The following AKT3 variants were observed in gnomAD, a reference collection of about 807,000 sequenced individuals.
AKT3 encodes the protein AKT serine/threonine kinase 3.
Under a neutral mutation model 65.3 loss-of-function variants are expected in AKT3, and 15 were observed. The ratio of observed to expected loss-of-function variants is 0.23; its 90% CI spans 0.15 to 0.35. The LOEUF (loss-of-function observed/expected upper bound fraction) is 0.35, where lower values mean the gene tolerates loss of function less well. Ranked by LOEUF, AKT3 falls within the 10% of genes least tolerant of loss-of-function variation. The pLI is 1.00. For missense variants in AKT3, 243 were observed against 576.5 expected, an observed-to-expected ratio of 0.42 and a Z score of 5.92; for synonymous variants, 206 against 183.8, an observed-to-expected ratio of 1.12 and a Z score of -0.98.
chr1:243,630,085 T>C (rs1329530899), intron 6 of AKT3, among the ~76,000 whole-genome samples: 4 of 152,196 alleles, frequency 2.6e-5, no homozygotes, highest in African/African-American at 4.8e-5. Flanking sequence ...GATTGGGCTT[T>C]GCATACCCAA....
intron 2 of AKT3, among the ~76,000 whole-genome samples, chr1:243,779,820 A>G (rs1690793262): frequency 6.6e-6 from 1 of 152,136 alleles, no homozygotes; most frequent in African/African-American, 2.4e-5. Flanking sequence ...AAGTCCTCAA[A>G]AATTGATGGA....
chr1:243,633,520 G>A (rs1679758692), intron 6 of AKT3, among the ~76,000 whole-genome samples: 1 of 152,098 alleles, frequency 6.6e-6, no homozygotes, highest in Admixed American at 6.6e-5. Context: ...GGACAGAATT[G>A]TAAAGAAGTG....
At chr1:243,687,224 A>G (rs1285009014) in intron 3 of AKT3, among the ~76,000 whole-genome samples, 1 of 152,118 alleles carries the variant, frequency 6.6e-6, no homozygotes, top group East Asian at 1.9e-4. Context: ...CTACAAGTTT[A>G]CCATTCCCTT....
chr1:243,491,243 G>A (rs1201114932), intron 13 of AKT3, among the ~76,000 whole-genome samples: 4 of 152,124 alleles, frequency 2.6e-5, no homozygotes, highest in Admixed American at 6.5e-5. Context: ...ATTGCCAAAT[G>A]AGTTGCAAAA....
intron 2 of AKT3, among the ~76,000 whole-genome samples, chr1:243,795,503 G>A (rs1691934825): frequency 1.8e-5 from 2 of 109,658 alleles, no homozygotes; most frequent in Admixed American, 1.4e-4. Flanking sequence ...ACGGAGTCTC[G>A]CTCTGTCGCC....
At chr1:243,560,617 T>A (rs993394687) in intron 10 of AKT3, among the ~76,000 whole-genome samples, 1 of 152,136 alleles carries the variant, frequency 6.6e-6, no homozygotes, top group African/African-American at 2.4e-5. Flanking sequence ...GTATACAAAC[T>A]GTTTTTAAAG....
intron 6 of AKT3, among the ~76,000 whole-genome samples, chr1:243,626,319 G>C (rs1449515498): frequency 6.6e-6 from 1 of 152,140 alleles, no homozygotes; most frequent in East Asian, 1.9e-4. Context: ...CTAAGAGATG[G>C]GATGAATAAA....
intron 7 of AKT3, among the ~76,000 whole-genome samples, chr1:243,614,255 C>T (rs1205745631): frequency 3.9e-5 from 6 of 152,100 alleles, no homozygotes; most frequent in African/African-American, 1.4e-4. Context: ...TACCCAAATG[C>T]TATCTTATTA....
At chr1:243,723,794 G>A (rs1038467061) in intron 2 of AKT3, among the ~76,000 whole-genome samples, 2 of 152,128 alleles carry the variant, frequency 1.3e-5, no homozygotes, top group Admixed American at 6.6e-5. Context: ...AGTGGAACCT[G>A]CCAGCAGTTC....
chr1:243,845,936 G>C (rs1695501913), intron 1 of AKT3, among the ~76,000 whole-genome samples: 1 of 152,036 alleles, frequency 6.6e-6, no homozygotes, highest in Non-Finnish European at 1.5e-5. Context: ...AATTATCTGT[G>C]CCTCAGTTTC....
intron 2 of AKT3, among the ~76,000 whole-genome samples, chr1:243,811,645 T>G (rs1693165562): frequency 1.3e-5 from 2 of 152,196 alleles, no homozygotes; most frequent in Admixed American, 1.3e-4. Context: ...TACCAATGAC[T>G]TTCTTTACAG....
chr1:243,533,520 G>A (rs192491085), intron 12 of AKT3, among the ~76,000 whole-genome samples: 1 of 152,260 alleles, frequency 6.6e-6, no homozygotes, highest in African/African-American at 2.4e-5. Flanking sequence ...AGTTATAAGT[G>A]TATACTTCAA....
At chr1:243,777,818 A>C (rs1164422295) in intron 2 of AKT3, among the ~76,000 whole-genome samples, 1 of 152,224 alleles carries the variant, frequency 6.6e-6, no homozygotes, top group Non-Finnish European at 1.5e-5. Flanking sequence ...GTTCAAAAGC[A>C]TTAAAGAATC....
intron 2 of AKT3, among the ~76,000 whole-genome samples, chr1:243,710,999 T>C (rs1686113326): frequency 6.6e-6 from 1 of 152,166 alleles, no homozygotes; most frequent in African/African-American, 2.4e-5. Context: ...CTTTTTTAAG[T>C]ATGAAAAATA....
intron 4 of AKT3, among the ~76,000 whole-genome samples, chr1:243,652,318 G>A (rs1681411819): frequency 6.6e-6 from 1 of 151,974 alleles, no homozygotes. Flanking sequence ...CCATAGTGCT[G>A]GAATTACAGG....
chr1:243,673,357 T>G (rs1400791951), intron 3 of AKT3, among the ~76,000 whole-genome samples: 1 of 152,190 alleles, frequency 6.6e-6, no homozygotes, highest in Non-Finnish European at 1.5e-5. Context: ...TTAGACCTAT[T>G]CTAAGCACTT....
chr1:243,649,108 T>C (rs1339357826), intron 4 of AKT3, among the ~76,000 whole-genome samples: 1 of 152,110 alleles, frequency 6.6e-6, no homozygotes, highest in Non-Finnish European at 1.5e-5. Context: ...TTATTGTTCA[T>C]TTAAAATTAT....
intron 13 of AKT3, among the ~76,000 whole-genome samples, chr1:243,508,894 C>T (rs1390176543): frequency 6.6e-6 from 1 of 151,802 alleles, no homozygotes; most frequent in East Asian, 1.9e-4. Flanking sequence ...GTCTCAGACT[C>T]CTCCTGACCT....
intron 2 of AKT3, among the ~76,000 whole-genome samples, chr1:243,821,501 C>T (rs1304470700): frequency 6.6e-6 from 1 of 152,098 alleles, no homozygotes; most frequent in Non-Finnish European, 1.5e-5. Context: ...GCTGCATAAA[C>T]AATCAAGACC....
Sources: allele counts gnomAD v4.1 joint callset (sites outside exome capture counted in the v4.1 genomes callset), GRCh38; gene constraint gnomAD v4.1.1; transcripts MANE v1.5; gene names NCBI Gene and HGNC (gene_info 2026-07-23, HGNC 2026-07-21).